Variants in PHF21B observed in about 807,000 individuals in gnomAD.
PHF21B encodes PHD finger protein 21B, also known as PHD finger protein 4.
PHF21B carries 22 observed loss-of-function variants against 62.2 expected under a neutral mutation model. The ratio of observed to expected loss-of-function variants is 0.35; its 90% CI spans 0.25 to 0.51. PHF21B has a LOEUF of 0.51. Among genes scored for constraint, PHF21B ranks in the 20% least tolerant of loss-of-function variants. The probability of loss-of-function intolerance (pLI) is 0.97; values close to 1 mark genes in which losing one functional copy is unlikely to be tolerated. For missense variants in PHF21B, 701 were observed against 707.9 expected, an observed-to-expected ratio of 0.99 and a Z score of 0.11; for synonymous variants, 341 against 314.7, an observed-to-expected ratio of 1.08 and a Z score of -0.88.
At chr22:44,973,168 C>T (rs1037664956) in intron 2 of PHF21B, among the ~76,000 whole-genome samples, 2 of 152,178 alleles carry the variant, frequency 1.3e-5, no homozygotes, top group African/African-American at 4.8e-5. Flanking sequence ...GCTGCATTCC[C>T]TTCAGGTCCT....
At chr22:44,912,773 G>A (rs973735831) in intron 5 of PHF21B, among the ~76,000 whole-genome samples, 7 of 150,494 alleles carry the variant, frequency 4.7e-5, no homozygotes, top group Non-Finnish European at 1.0e-4. Flanking sequence ...CAGCTACTTG[G>A]GAGGCTGAGG....
chr22:44,994,457 G>A (rs1246395364), intron 2 of PHF21B, among the ~76,000 whole-genome samples: 1 of 152,222 alleles, frequency 6.6e-6, no homozygotes, highest in Non-Finnish European at 1.5e-5. Flanking sequence ...AGCAAGAGAG[G>A]GGCCTCCCCT....
intron 6 of PHF21B, among the ~76,000 whole-genome samples, chr22:44,894,017 T>C (rs1050114049): frequency 3.3e-5 from 5 of 152,200 alleles, no homozygotes; most frequent in Non-Finnish European, 7.3e-5. Context: ...AGAGGGGGCA[T>C]GGCCACACTG....
intron 2 of PHF21B, among the ~76,000 whole-genome samples, chr22:44,959,194 T>C (rs1452087541): frequency 1.3e-5 from 2 of 152,198 alleles, no homozygotes; most frequent in Non-Finnish European, 2.9e-5. Context: ...TCTGCTCCCA[T>C]CTCAGGACGA....
chr22:44,977,516 G>A (rs923187786), intron 2 of PHF21B, among the ~76,000 whole-genome samples: 19 of 151,314 alleles, frequency 1.3e-4, no homozygotes, highest in African/African-American at 2.9e-4. Context: ...AGTGAGATGC[G>A]ATCATACCTC....
intron 2 of PHF21B, among the ~76,000 whole-genome samples, chr22:44,981,081 G>A (rs1459590851): frequency 1.3e-5 from 2 of 152,164 alleles, no homozygotes; most frequent in South Asian, 2.1e-4. Context: ...AGGGTAGGGC[G>A]TGGGGGTTGC....
At chr22:44,901,347 G>A (rs748485440) in intron 5 of PHF21B, among the ~76,000 whole-genome samples, 4 of 152,164 alleles carry the variant, frequency 2.6e-5, no homozygotes, top group East Asian at 1.9e-4. Flanking sequence ...TCTCCTCCCC[G>A]AGTCCCCTCC....
At chr22:44,918,051 G>A (rs765177768) in intron 3 of PHF21B, among the ~76,000 whole-genome samples, 2 of 152,242 alleles carry the variant, frequency 1.3e-5, no homozygotes, top group African/African-American at 2.4e-5. Context: ...TGGCACCAGA[G>A]GTCAGGGCCT....
chr22:45,001,934 G>C (rs912771513), intron 2 of PHF21B: 1 of 152,200 alleles, frequency 6.6e-6, no homozygotes, highest in Non-Finnish European at 1.5e-5. Flanking sequence ...CGCGCTTTAC[G>C]ATATTCAAAC....
At chr22:44,936,250 T>G (rs760546009) in intron 2 of PHF21B, among the ~76,000 whole-genome samples, 1 of 152,120 alleles carries the variant, frequency 6.6e-6, no homozygotes, top group Non-Finnish European at 1.5e-5. Context: ...CCTGGAGTGC[T>G]CCTCCCTGGC....
chr22:45,001,653 C>T (rs2073221165), intron 2 of PHF21B, among the ~76,000 whole-genome samples: 2 of 152,192 alleles, frequency 1.3e-5, no homozygotes, highest in South Asian at 2.1e-4. Flanking sequence ...CACAACATAC[C>T]GCTCCACCGC....
intron 2 of PHF21B, among the ~76,000 whole-genome samples, chr22:44,965,122 A>C (rs764986209): frequency 1.3e-5 from 2 of 152,108 alleles, no homozygotes; most frequent in Non-Finnish European, 2.9e-5. Flanking sequence ...CTGGGACTCA[A>C]CCGGCTTGAA....
intron 2 of PHF21B, among the ~76,000 whole-genome samples, chr22:44,931,086 G>A (rs1601611985): frequency 6.6e-6 from 1 of 152,256 alleles, no homozygotes; most frequent in African/African-American, 2.4e-5. Flanking sequence ...ACCAGGTCTC[G>A]CTCTGTTGCC....
chr22:45,008,672 C>G, intron 1 of PHF21B, 62 bp from the exon 2 acceptor site: 1 of 1,280,316 alleles, frequency 7.8e-7, no homozygotes, highest in Admixed American at 3.3e-5. Flanking sequence ...ACCCCAGCAC[C>G]GCGGGCCGCG....
At chr22:44,935,558 G>C (rs1260291885) in intron 2 of PHF21B, among the ~76,000 whole-genome samples, 2 of 151,842 alleles carry the variant, frequency 1.3e-5, no homozygotes, top group African/African-American at 4.8e-5. Flanking sequence ...AGCTTGCAGT[G>C]AGCCGAGATC....
At chr22:45,005,449 G>A (rs112925754) in intron 2 of PHF21B, among the ~76,000 whole-genome samples, 3,384 of 152,180 alleles carry the variant, frequency 0.022, 126 homozygotes, top group African/African-American at 0.076. Context: ...CCTAGTCTCC[G>A]AATGGTAGGA....
chr22:44,928,187 C>T (rs2071670512), intron 2 of PHF21B, among the ~76,000 whole-genome samples: 1 of 152,120 alleles, frequency 6.6e-6, no homozygotes, highest in Non-Finnish European at 1.5e-5. Context: ...TGTGCGGGAC[C>T]CCTCAGCTCT....
At chr22:44,935,266 C>T (rs2071822057) in intron 2 of PHF21B, among the ~76,000 whole-genome samples, 1 of 152,180 alleles carries the variant, frequency 6.6e-6, no homozygotes, top group South Asian at 2.1e-4. Flanking sequence ...CCCAGTTTCC[C>T]TCCTCTGTAA....
At chr22:44,910,007 A>G (rs1346075010) in intron 5 of PHF21B, among the ~76,000 whole-genome samples, 1 of 152,240 alleles carries the variant, frequency 6.6e-6, no homozygotes, top group Non-Finnish European at 1.5e-5. Flanking sequence ...GGCAAGGACC[A>G]TGGCTGCCTG....
Sources: allele counts gnomAD v4.1 joint callset (sites outside exome capture counted in the v4.1 genomes callset), GRCh38; gene constraint gnomAD v4.1.1; transcripts MANE v1.5; gene names NCBI Gene and HGNC (gene_info 2026-07-23, HGNC 2026-07-21).